Variants in WDR27 observed in about 807,000 individuals in gnomAD.
The protein encoded by WDR27 is WD repeat-containing protein 27.
WDR27 carries 100 observed loss-of-function variants against 114.4 expected under a neutral mutation model. The observed-to-expected ratio is 0.87, with a 90% CI of 0.74 to 1.03. The LOEUF (loss-of-function observed/expected upper bound fraction) is 1.03. WDR27 is among the 50% of genes least tolerant of loss of function. The pLI is 0.00. For missense variants in WDR27, 1,129 were observed against 1,092.9 expected (o/e 1.03, Z -0.47); for synonymous variants, 449 against 423.1 (o/e 1.06, Z -0.75).
chr6:169,530,318 A>G (rs766970576), intron 25 of WDR27, among the ~76,000 whole-genome samples: 2 of 152,206 alleles, frequency 1.3e-5, no homozygotes, highest in African/African-American at 2.4e-5. Context: ...CCTCCATTCT[A>G]GCTCAAGAGA....
intron 25 of WDR27, among the ~76,000 whole-genome samples, chr6:169,551,737 C>CAAAAAAA (rs1296878043): frequency 8.2e-5 from 5 of 60,696 alleles, no homozygotes; most frequent in Admixed American, 1.9e-4. Flanking sequence ...GACTCCATCT[C>CAAAAAAA]AAAAAAAAAA....
chr6:169,525,970 A>G (rs955063785), intron 25 of WDR27, among the ~76,000 whole-genome samples: 1 of 152,222 alleles, frequency 6.6e-6, no homozygotes, highest in African/African-American at 2.4e-5. Context: ...CAGTGAAACA[A>G]GCCAGACACA....
intron 25 of WDR27, among the ~76,000 whole-genome samples, chr6:169,515,259 C>T (rs1001383673): frequency 2.6e-5 from 4 of 151,814 alleles, no homozygotes; most frequent in African/African-American, 7.3e-5. Context: ...GAAGGAGACC[C>T]GGGGCAGTCT....
intron 25 of WDR27, among the ~76,000 whole-genome samples, chr6:169,569,553 A>G (rs561880990): frequency 4.6e-5 from 7 of 152,366 alleles, no homozygotes; most frequent in Admixed American, 3.9e-4. Flanking sequence ...AATCTAACAA[A>G]GCAAACATAA....
At chr6:169,649,606 G>A (rs1821719084) in intron 14 of WDR27, among the ~76,000 whole-genome samples, 5 of 151,878 alleles carry the variant, frequency 3.3e-5, no homozygotes, top group South Asian at 2.1e-4. Context: ...CTCATCCCCC[G>A]GGGCTCCCAC....
chr6:169,576,956 T>C (rs1222149840), intron 24 of WDR27, among the ~76,000 whole-genome samples: 1 of 115,926 alleles, frequency 8.6e-6, no homozygotes, highest in Non-Finnish European at 1.6e-5. Context: ...ACAGACAGAA[T>C]TATGAAAATC....
At chr6:169,462,981 GTA>G (rs1785101586) in intron 25 of WDR27, among the ~76,000 whole-genome samples, 1 of 152,116 alleles carries the variant, frequency 6.6e-6, no homozygotes, top group African/African-American at 2.4e-5. Flanking sequence ...AATAAAAGCT[GTA>G]TATATTACTT....
At chr6:169,676,470 C>T (rs759890207) in intron 2 of WDR27, among the ~76,000 whole-genome samples, 1 of 152,162 alleles carries the variant, frequency 6.6e-6, no homozygotes, top group Non-Finnish European at 1.5e-5. Context: ...CATAGGCCTG[C>T]GAAGCTGTCT....
chr6:169,609,731 C>G lies in WDR27; in HGVS notation c.2321+3828G>C, dbSNP rs189858536. ...TTGTCTTGGGGATTAACATTTGGCT[C>G]CTCAGTATGTATGCAAATTTCTGCA... On this transcript the variant is annotated intron_variant, in intron 22 of 25. Transcript: ENST00000448612. Among the ~76,000 whole-genome samples the G allele has an allele frequency of 5.9e-5, 9 of 152,348 alleles. No homozygotes were observed. In the East Asian group the frequency reaches 1.7e-3, roughly 29 times the overall value.
chr6:169,542,504 T>G (rs1796952420), intron 25 of WDR27, among the ~76,000 whole-genome samples: 1 of 152,148 alleles, frequency 6.6e-6, no homozygotes, highest in African/African-American at 2.4e-5. Context: ...GGCTTAGAAT[T>G]TATTCCAAGA....
chr6:169,533,088 C>G (rs1212921215), intron 25 of WDR27, among the ~76,000 whole-genome samples: 2 of 152,066 alleles, frequency 1.3e-5, no homozygotes, highest in Non-Finnish European at 2.9e-5. Flanking sequence ...AGCAGAAAAG[C>G]CTGAGACCTG....
At chr6:169,541,983 T>C (rs1796900810) in intron 25 of WDR27, among the ~76,000 whole-genome samples, 1 of 152,188 alleles carries the variant, frequency 6.6e-6, no homozygotes, top group East Asian at 1.9e-4. Flanking sequence ...TGTTGTTACA[T>C]AGGTCCACTG....
rs1784424026 is a variant in WDR27 at position 169,457,622 on chromosome 6, T to C, written c.2658A>G (p.Leu886=). The change falls in exon 26 of 26, where the codon CTA becomes CTG. Residue 886 remains leucine, a synonymous_variant. Coordinates refer to ENST00000448612, the MANE Select transcript of WDR27 (RefSeq NM_182552.5). ...PSSWDYSLPQ[L]PWMVNSSSF ...AAGAGCTGGAGTTTACCATCCAAGG[T>C]AGCTGTGGCAAGCTGTAATTGAAAA... 2 of 1,552,128 alleles carry C rather than the reference T, an allele frequency of 1.3e-6. No individual in the cohort carries two copies. The highest frequency in any genetic ancestry group is 1.7e-6 in the Non-Finnish European group (2 of 1,147,114).
rs1409742441 is a variant in WDR27, at chr6:169,638,231, G to A, written c.1869+308C>T. On this transcript the variant is annotated intron_variant, in intron 18 of 25. Coordinates refer to ENST00000448612, the MANE Select transcript of WDR27 (RefSeq NM_182552.5). Reference sequence around the variant, plus strand: ...CTCGGGAGGCTGAGGCAGGAGAATGGCGTGAACCCGGGAAGCGGAGCTTGC... The same window carrying A: ...CTCGGGAGGCTGAGGCAGGAGAATGACGTGAACCCGGGAAGCGGAGCTTGC... Among the ~76,000 whole-genome samples, 41 of 117,770 alleles carry A rather than the reference G, an allele frequency of 3.5e-4. 5 individuals are homozygous for A. The highest frequency in any genetic ancestry group is 5.5e-4 in the Non-Finnish European group (33 of 60,052). 77.3% of individuals were successfully genotyped at this position (117,770 alleles called of 152,430 possible).
intron 24 of WDR27, among the ~76,000 whole-genome samples, chr6:169,577,105 C>A (rs1802491549): frequency 1.4e-5 from 2 of 146,630 alleles, no homozygotes; most frequent in South Asian, 4.5e-4. Context: ...AAAAGAGTTA[C>A]GTGGGCCACA....
chr6:169,518,488 C>T (rs1793962623), intron 25 of WDR27, among the ~76,000 whole-genome samples: 1 of 152,226 alleles, frequency 6.6e-6, no homozygotes. Context: ...AGTGACAGCA[C>T]AAACTGTACC....
chr6:169,527,169 G>A (rs1375708733), intron 25 of WDR27, among the ~76,000 whole-genome samples: 1 of 151,552 alleles, frequency 6.6e-6, no homozygotes, highest in East Asian at 1.9e-4. Flanking sequence ...GAAAAGATAT[G>A]TTAACACAAA....
chr6:169,674,053 C>T (rs1779465606), intron 2 of WDR27, among the ~76,000 whole-genome samples: 1 of 152,180 alleles, frequency 6.6e-6, no homozygotes, highest in Non-Finnish European at 1.5e-5. Context: ...CTAGGACTGC[C>T]AGTGCCCTGA....
At chr6:169,672,886 G>A (rs1167658463) in intron 2 of WDR27, among the ~76,000 whole-genome samples, 1 of 152,146 alleles carries the variant, frequency 6.6e-6, no homozygotes, top group Non-Finnish European at 1.5e-5. Flanking sequence ...TAGCACTCTA[G>A]GAAATTAAAA....
Sources: gnomAD v4.1 joint callset for allele counts (sites outside exome capture counted in the v4.1 genomes callset) on GRCh38, gnomAD v4.1.1 for gene constraint, MANE v1.5 for transcripts, NCBI Gene and HGNC (gene_info 2026-07-23, HGNC 2026-07-21) for gene names.